POU2F3: variants seen among roughly 807,000 people sequenced by gnomAD.
POU2F3 encodes the protein POU class 2 homeobox 3.
POU2F3 carries 23 observed loss-of-function variants against 59.2 expected under a neutral mutation model. The ratio of observed to expected loss-of-function variants is 0.39; its 90% CI spans 0.28 to 0.55. The LOEUF is 0.55. Among genes scored for constraint, POU2F3 ranks in the 20% least tolerant of loss-of-function variants. POU2F3 has a pLI of 0.66. For synonymous variants in POU2F3, 190 were observed against 214.6 expected (o/e 0.89, Z 1.00); for missense variants, 473 against 544.5 (o/e 0.87, Z 1.31).
At chr11:120,278,601 A>C (rs758879819) in intron 3 of POU2F3, among the ~76,000 whole-genome samples, 24 of 152,180 alleles carry the variant, frequency 1.6e-4, no homozygotes, top group Non-Finnish European at 2.6e-4. Flanking sequence ...GATGGGTCTG[A>C]AAAATTCCTA....
chr11:120,309,403 T>G (rs1171957256), intron 9 of POU2F3, 22 bp from the exon 10 acceptor site: 1 of 1,597,698 alleles, frequency 6.3e-7, no homozygotes, highest in African/African-American at 1.3e-5. Context: ...TTGGCCATAC[T>G]CTGTCCTTTC....
intron 2 of POU2F3, among the ~76,000 whole-genome samples, chr11:120,252,592 C>T (rs1184229951): frequency 6.6e-6 from 1 of 152,188 alleles, no homozygotes; most frequent in Non-Finnish European, 1.5e-5. Flanking sequence ...TGATTCGCCA[C>T]TCAGCCTGCA....
intron 2 of POU2F3, among the ~76,000 whole-genome samples, chr11:120,263,390 T>C (rs1939688241): frequency 6.6e-6 from 1 of 152,260 alleles, no homozygotes; most frequent in Non-Finnish European, 1.5e-5. Flanking sequence ...TATTTATTCC[T>C]GTTACATTTT....
chr11:120,287,320 A>G (rs1940818532), intron 3 of POU2F3, among the ~76,000 whole-genome samples: 1 of 152,222 alleles, frequency 6.6e-6, no homozygotes, highest in Admixed American at 6.5e-5. Flanking sequence ...GTATTTATGC[A>G]TTAGTACCAC....
Position 120,319,367 on chromosome 11 carries a change from G to C in POU2F3, c.*975G>C, listed in dbSNP as rs553205017. On this transcript the variant is annotated 3_prime_UTR_variant, in exon 13 of 13. Transcript: ENST00000543440. ...ATATTTTATCTTCTTTAAAAAAAAG[G>C]GGGGGAAATACCAAAGTGTGAAATA... 3 of 152,260 alleles carry C rather than the reference G, an allele frequency of 2.0e-5. No individual in the cohort carries two copies. The South Asian group carries it at 6.3e-4, about 32-fold the overall frequency. The allele number at this position is 152,260 out of a possible 1,614,324, so 9.4% of individuals were successfully genotyped here. A position where few individuals can be genotyped will look rare whatever the true frequency, so the allele number is the denominator to read the frequency against.
chr11:120,244,541 T>C, intron 1 of POU2F3, among the ~76,000 whole-genome samples: 1 of 152,240 alleles, frequency 6.6e-6, no homozygotes, highest in East Asian at 1.9e-4. Context: ...TTGAGATTAA[T>C]CCAGGTTTGT....
rs918577742 is a variant in POU2F3 at position 120,319,611 on chromosome 11, A to G, written c.*1219A>G. The stretch of plus-strand genomic sequence containing the variant: ...CCCACCACCAAAAATTAGCCCAGCT[A>G]ATTTTTGTATTTTTAGTAGAGATGG... On this transcript the variant is annotated 3_prime_UTR_variant, in exon 13 of 13. Transcript: ENST00000543440. 2.0e-5 allele frequency: 3 copies of G among 151,664 alleles called. No homozygotes were observed. Among genetic ancestry groups the G allele is most frequent in the African/African-American group, 4.9e-5 (2 of 41,166 alleles). The allele number at this position is 151,664 out of a possible 1,614,324, so 9.4% of individuals were successfully genotyped here.
chr11:120,314,615 C>T (rs542995969), intron 10 of POU2F3, among the ~76,000 whole-genome samples: 1 of 152,302 alleles, frequency 6.6e-6, no homozygotes, highest in Admixed American at 6.5e-5. Flanking sequence ...CCCAAAGTCA[C>T]ACAGATAGTG....
At chr11:120,283,839 A>C (rs1175160909) in intron 3 of POU2F3, among the ~76,000 whole-genome samples, 1 of 148,112 alleles carries the variant, frequency 6.8e-6, no homozygotes, top group African/African-American at 2.5e-5. Context: ...CCCACCAGTC[A>C]GTGGAATATT....
intron 1 of POU2F3, among the ~76,000 whole-genome samples, chr11:120,241,107 C>T (rs1938644422): frequency 6.6e-6 from 1 of 152,242 alleles, no homozygotes; most frequent in African/African-American, 2.4e-5. Flanking sequence ...AAGGCAGGAG[C>T]TGCCAGGCAG....
chr11:120,295,442 G>A (rs920844681), intron 3 of POU2F3, among the ~76,000 whole-genome samples: 9 of 152,198 alleles, frequency 5.9e-5, no homozygotes, highest in Non-Finnish European at 1.2e-4. Flanking sequence ...TGCCTCCCCA[G>A]TACCCTCTGG....
At chr11:120,248,445 G>C (rs903130112) in intron 2 of POU2F3, among the ~76,000 whole-genome samples, 3 of 152,216 alleles carry the variant, frequency 2.0e-5, no homozygotes, top group Non-Finnish European at 4.4e-5. Context: ...CCTTAGCACA[G>C]TGCTTGGCAC....
At chr11:120,313,375 C>A (rs1172720515) in intron 10 of POU2F3, among the ~76,000 whole-genome samples, 1 of 152,192 alleles carries the variant, frequency 6.6e-6, no homozygotes, top group African/African-American at 2.4e-5. Context: ...CGTTACCCTG[C>A]CCTCATGAAG....
chr11:120,249,600 C>G (rs116665770), intron 2 of POU2F3, among the ~76,000 whole-genome samples: 1 of 152,152 alleles, frequency 6.6e-6, no homozygotes, highest in African/African-American at 2.4e-5. Flanking sequence ...TTCAAAAGCC[C>G]CCAGGTCTGT....
intron 1 of POU2F3, among the ~76,000 whole-genome samples, chr11:120,242,378 G>A (rs772145279): frequency 1.4e-4 from 22 of 152,140 alleles, no homozygotes; most frequent in Non-Finnish European, 2.4e-4. Context: ...AAGGAGGATC[G>A]CTCTTCCCTC....
intron 2 of POU2F3, 44 bp downstream of exon 2, chr11:120,246,561 A>T: frequency 6.3e-7 from 1 of 1,598,546 alleles, no homozygotes. Flanking sequence ...TGGGGGGAAG[A>T]GAGTTGTTGG....
intron 11 of POU2F3, among the ~76,000 whole-genome samples, chr11:120,315,720 G>T (rs1337424785): frequency 6.6e-6 from 1 of 152,130 alleles, no homozygotes; most frequent in Non-Finnish European, 1.5e-5. Flanking sequence ...GGGAGGCAAG[G>T]CTTCCCAAAG....
At chr11:120,282,111 A>T (rs1275066545) in intron 3 of POU2F3, among the ~76,000 whole-genome samples, 1 of 152,114 alleles carries the variant, frequency 6.6e-6, no homozygotes, top group Non-Finnish European at 1.5e-5. Context: ...TCCAGATGAC[A>T]GTGCTTCTCA....
chr11:120,243,424 A>G (rs1032324921), intron 1 of POU2F3, among the ~76,000 whole-genome samples: 1 of 151,898 alleles, frequency 6.6e-6, no homozygotes, highest in African/African-American at 2.4e-5. Flanking sequence ...AGGAGGGCCC[A>G]CTCCTGGTCA....
Sources: allele counts gnomAD v4.1 joint callset (sites outside exome capture counted in the v4.1 genomes callset), GRCh38; gene constraint gnomAD v4.1.1; transcripts MANE v1.5; gene names NCBI Gene and HGNC (gene_info 2026-07-23, HGNC 2026-07-21).